The following B4GALT6 variants were observed in gnomAD, a reference collection of about 807,000 sequenced individuals.
B4GALT6 encodes UDP-Gal:beta-GlcNAc beta-1,4-galactosyltransferase 6.
Under a neutral mutation model 46.3 loss-of-function variants are expected in B4GALT6, and 14 were observed. The observed-to-expected ratio is 0.30, with a 90% CI of 0.20 to 0.47. The LOEUF is 0.47. Ranked by LOEUF, B4GALT6 falls within the 20% of genes least tolerant of loss-of-function variation. The pLI is 0.99. For missense variants in B4GALT6, 386 were observed against 480.1 expected (o/e 0.80, Z 1.83); for synonymous variants, 168 against 162.0 (o/e 1.04, Z -0.28).
chr18:31,717,015 C>T, the B4GALT6 span, among the ~76,000 whole-genome samples: 1 of 151,958 alleles, frequency 6.6e-6, no homozygotes, highest in Admixed American at 6.6e-5. Flanking sequence ...AGGAGAATCG[C>T]TTGAATCTGG....
intron 3 of B4GALT6, among the ~76,000 whole-genome samples, chr18:31,654,334 C>T (rs1017979536): frequency 1.6e-4 from 25 of 152,168 alleles, no homozygotes; most frequent in African/African-American, 5.5e-4. Flanking sequence ...TAGCCTTAGA[C>T]AAGGTGAAAC....
chr18:31,657,844 A>G (rs2074160417), intron 3 of B4GALT6, 132 bp downstream of exon 3: 2 of 539,994 alleles, frequency 3.7e-6, no homozygotes, highest in Non-Finnish European at 6.4e-6. Context: ...AAGTTCAAAT[A>G]ACATGCTGCA....
At chr18:31,650,732 T>C (rs528355466) in intron 3 of B4GALT6, among the ~76,000 whole-genome samples, 1 of 152,362 alleles carries the variant, frequency 6.6e-6, no homozygotes, top group East Asian at 1.9e-4. Flanking sequence ...TTTTGCAGTC[T>C]AGGGTTTAGC....
Position 31,684,561 on chromosome 18 carries a change from G to C in B4GALT6, c.-135C>G. 1 of 1,446,326 alleles carries C rather than the reference G, an allele frequency of 6.9e-7. No homozygotes were observed. Among genetic ancestry groups the C allele is most frequent in the South Asian group, 1.3e-5 (1 of 74,520 alleles). 89.6% of individuals were successfully genotyped at this position (1,446,326 alleles called of 1,614,324 possible). On this transcript the variant is annotated 5_prime_UTR_variant, in exon 1 of 9. Coordinates refer to ENST00000306851, the MANE Select transcript of B4GALT6 (RefSeq NM_004775.5). The stretch of plus-strand genomic sequence containing the variant: ...GGTCCGCGCGGGGAGGCTCTGGGGA[G>C]AGGGCCCGAGCGGAAAAGAGGAAAT...
chr18:31,674,159 A>G (rs1192606693), intron 1 of B4GALT6, among the ~76,000 whole-genome samples: 2 of 152,224 alleles, frequency 1.3e-5, no homozygotes, highest in Non-Finnish European at 2.9e-5. Flanking sequence ...TTAGGAAAAT[A>G]ACATACCACC....
upstream of B4GALT6, among the ~76,000 whole-genome samples, chr18:31,688,088 T>A (rs2029987915): frequency 6.6e-6 from 1 of 151,998 alleles, no homozygotes; most frequent in Non-Finnish European, 1.5e-5. Context: ...TTATATCTGT[T>A]TAAATGCATA....
chr18:31,678,257 T>A (rs1415973796), intron 1 of B4GALT6, among the ~76,000 whole-genome samples: 1 of 152,138 alleles, frequency 6.6e-6, no homozygotes, highest in East Asian at 1.9e-4. Flanking sequence ...CACCTCACAA[T>A]GTGTAAGGAA....
intron 1 of B4GALT6, among the ~76,000 whole-genome samples, chr18:31,670,136 C>T (rs2074333365): frequency 6.6e-6 from 1 of 151,900 alleles, no homozygotes; most frequent in South Asian, 2.1e-4. Flanking sequence ...TCTCCGTAAC[C>T]TCCACCTCCT....
intron 2 of B4GALT6, among the ~76,000 whole-genome samples, chr18:31,661,319 G>A (rs2074213143): frequency 6.6e-6 from 1 of 152,136 alleles, no homozygotes; most frequent in Non-Finnish European, 1.5e-5. Flanking sequence ...AGAGACAGCA[G>A]GATAGAAACA....
the B4GALT6 span, among the ~76,000 whole-genome samples, chr18:31,700,864 A>T: frequency 6.6e-6 from 1 of 151,940 alleles, no homozygotes; most frequent in Non-Finnish European, 1.5e-5. Flanking sequence ...GCAAAGACCC[A>T]CCCCACACCC....
chr18:31,687,425 A>T (rs1362515648), upstream of B4GALT6, among the ~76,000 whole-genome samples: 3 of 152,188 alleles, frequency 2.0e-5, no homozygotes, highest in African/African-American at 7.2e-5. Context: ...AGTCTGAGGG[A>T]TGCCTCAGGG....
At chr18:31,668,658 T>C (rs551056992) in intron 1 of B4GALT6, among the ~76,000 whole-genome samples, 1 of 152,250 alleles carries the variant, frequency 6.6e-6, no homozygotes, top group Non-Finnish European at 1.5e-5. Flanking sequence ...GTGTGGCAGA[T>C]ATTAAGCCCT....
At chr18:31,628,697 T>C (rs894690411) in intron 6 of B4GALT6, among the ~76,000 whole-genome samples, 1 of 152,146 alleles carries the variant, frequency 6.6e-6, no homozygotes, top group Non-Finnish European at 1.5e-5. Context: ...CCAGGCTTCA[T>C]CCCACAGCTG....
chr18:31,666,736 G>A (rs2074287492), intron 1 of B4GALT6, among the ~76,000 whole-genome samples: 1 of 152,036 alleles, frequency 6.6e-6, no homozygotes, highest in South Asian at 2.1e-4. Flanking sequence ...ACAAAATTCA[G>A]TTTCTCTAAT....
intron 6 of B4GALT6, among the ~76,000 whole-genome samples, chr18:31,630,085 G>A (rs1439979583): frequency 2.7e-5 from 4 of 147,194 alleles, no homozygotes; most frequent in Non-Finnish European, 6.0e-5. Context: ...GAGCGGAAGC[G>A]GGGAGGGGGA....
At chr18:31,687,180 A>G (rs1336411619), upstream of B4GALT6, among the ~76,000 whole-genome samples, 1 of 152,234 alleles carries the variant, frequency 6.6e-6, no homozygotes, top group Non-Finnish European at 1.5e-5. Context: ...GTTGTACCAG[A>G]AAACAAGCCT....
At chr18:31,696,028 A>T in the B4GALT6 span, among the ~76,000 whole-genome samples, 1 of 152,224 alleles carries the variant, frequency 6.6e-6, no homozygotes, top group Non-Finnish European at 1.5e-5. Context: ...TTTTTTTAAA[A>T]CTTCAAATGA....
At chr18:31,674,417 AGAG>A (rs1030488906) in intron 1 of B4GALT6, among the ~76,000 whole-genome samples, 4 of 152,206 alleles carry the variant, frequency 2.6e-5, no homozygotes, top group East Asian at 3.9e-4. Context: ...TTTAATACAA[AGAG>A]GAGGAGAAAG....
chr18:31,711,144 T>C, the B4GALT6 span, among the ~76,000 whole-genome samples: 145 of 152,272 alleles, frequency 9.5e-4, no homozygotes, highest in African/African-American at 3.1e-3. Flanking sequence ...TCTTAAAAAT[T>C]TGTACAAAAA....
Sources: gnomAD v4.1 joint callset for allele counts (sites outside exome capture counted in the v4.1 genomes callset) on GRCh38, gnomAD v4.1.1 for gene constraint, MANE v1.5 for transcripts, NCBI Gene and HGNC (gene_info 2026-07-23, HGNC 2026-07-21) for gene names.